Variants in ZNF292 observed in about 807,000 individuals in gnomAD.
ZNF292 encodes the protein 16 zinc-finger domain protein.
In ZNF292, 26 loss-of-function variants were observed where a neutral mutation model predicts 217.9. The ratio of observed to expected loss-of-function variants is 0.12; its 90% confidence interval spans 0.09 to 0.17. The LOEUF (loss-of-function observed/expected upper bound fraction) is 0.17, where lower values mean the gene tolerates loss of function less well. Ranked by LOEUF, ZNF292 falls within the 10% of genes least tolerant of loss-of-function variation. ZNF292 has a pLI of 1.00. For missense variants in ZNF292, 2,904 were observed against 3,175.2 expected (o/e 0.91, Z 2.05); for synonymous variants, 1,257 against 1,124.1 (o/e 1.12, Z -2.37).
At chr6:87,183,480 C>G (rs1319927019) in intron 1 of ZNF292, among the ~76,000 whole-genome samples, 1 of 152,100 alleles carries the variant, frequency 6.6e-6, no homozygotes, top group African/African-American at 2.4e-5. Context: ...TCCTGAACAC[C>G]ATAATCCCAA....
intron 7 of ZNF292, chr6:87,249,377 C>A: frequency 2.3e-6 from 1 of 427,870 alleles, no homozygotes; most frequent in Non-Finnish European, 4.7e-6. Context: ...TTCTCCGTGC[C>A]TTGGCCTTCC....
At chr6:87,179,182 T>C (rs182812720) in intron 1 of ZNF292, among the ~76,000 whole-genome samples, 12 of 117,744 alleles carry the variant, frequency 1.0e-4, no homozygotes, top group Non-Finnish European at 1.9e-4. Flanking sequence ...TTTTGGGAGA[T>C]GGAGTCTCAC....
chr6:87,178,122 A>G lies in ZNF292; in HGVS notation c.168+22363A>G, dbSNP rs191845874. On this transcript the variant is annotated intron_variant, in intron 1 of 7. Coordinates refer to ENST00000369577, the MANE Select transcript of ZNF292 (RefSeq NM_015021.3). ...AAGGCTATTCAAATTCTACATTTTCATTAGGCCTTCCTATGCTACTAAAGG... is the reference window on the plus strand; with the variant it reads ...AAGGCTATTCAAATTCTACATTTTCGTTAGGCCTTCCTATGCTACTAAAGG... Among the ~76,000 whole-genome samples the G allele has an allele frequency of 1.9e-4, 29 of 152,164 alleles. No homozygotes were observed. The East Asian group carries it at 5.0e-3, about 26-fold the overall frequency.
At chr6:87,191,308 C>G (rs188884723) in intron 1 of ZNF292, among the ~76,000 whole-genome samples, 1 of 151,902 alleles carries the variant, frequency 6.6e-6, no homozygotes, top group Non-Finnish European at 1.5e-5. Context: ...TCACAAAAAA[C>G]TCATAATTTT....
chr6:87,204,708 C>G (rs962581546), intron 1 of ZNF292, among the ~76,000 whole-genome samples: 1 of 151,840 alleles, frequency 6.6e-6, no homozygotes, highest in Admixed American at 6.6e-5. Context: ...GGATTACAGG[C>G]GCCTTCCACC....
Position 87,261,738 on chromosome 6 carries a change from TC to T in ZNF292, c.8111del (p.Pro2704GlnfsTer6). ...AAAAACTTGAAGTACATTCAAATGA[TC>T]CAGATATGTCTGTTATGAAAGATAT... is the stretch of plus-strand genomic sequence containing the variant. ...LKKLEVHSND[P>X]DMSVMKDISI... On this transcript the variant is annotated frameshift_variant, in exon 8 of 8. Coordinates refer to ENST00000369577, the MANE Select transcript of ZNF292 (RefSeq NM_015021.3). LOFTEE classifies it high-confidence loss of function. 1 of 1,613,052 alleles carries T rather than the reference TC, an allele frequency of 6.2e-7. No homozygotes were observed. The highest frequency in any genetic ancestry group is 8.5e-7 in the Non-Finnish European group (1 of 1,179,292).
rs117628161 is a variant in ZNF292 at position 87,212,381 on chromosome 6, C to T, written c.169-3522C>T. The stretch of plus-strand genomic sequence containing the variant: ...ATTGGTGATTGGGTTCAATCTCTGC[C>T]CCTTTACCTCCTGCAAGACTGGGGG... On this transcript the variant is annotated intron_variant, in intron 1 of 7. Transcript: ENST00000369577. Among the ~76,000 whole-genome samples, 129 of 152,202 alleles carry T rather than the reference C, an allele frequency of 8.5e-4. 3 individuals carry two copies. In the East Asian group the frequency reaches 0.013, roughly 15 times the overall value.
intron 4 of ZNF292, among the ~76,000 whole-genome samples, chr6:87,219,982 A>G (rs1023233413): frequency 3.9e-5 from 6 of 152,006 alleles, no homozygotes; most frequent in Non-Finnish European, 8.8e-5. Flanking sequence ...CACCACACTC[A>G]GCTAGTTTTT....
chr6:87,204,644 A>C (rs1772191888), intron 1 of ZNF292, among the ~76,000 whole-genome samples: 2 of 137,192 alleles, frequency 1.5e-5, no homozygotes, highest in Non-Finnish European at 3.0e-5. Flanking sequence ...CCTCACTGCA[A>C]CCTCCGCCTC....
rs1775623876 is a variant in ZNF292 at position 87,261,899 on chromosome 6, T to C, written c.*98T>C. The C allele has an allele frequency of 2.1e-6, 2 of 960,276 alleles. No individual in the cohort carries two copies. The highest frequency in any genetic ancestry group is 5.9e-5 in the South Asian group (2 of 33,964). The allele number at this position is 960,276 out of a possible 1,614,324, so 59.5% of individuals were successfully genotyped here. ...TGAAACTTTCATTATATTTTTTTGTTGTTGACATGAATTAACCTGGCCAAA... is the reference window on the plus strand; with the variant it reads ...TGAAACTTTCATTATATTTTTTTGTCGTTGACATGAATTAACCTGGCCAAA... On this transcript the variant is annotated 3_prime_UTR_variant, in exon 8 of 8. Coordinates refer to ENST00000369577, the MANE Select transcript of ZNF292 (RefSeq NM_015021.3).
At position 87,261,497 on chromosome 6, in the gene ZNF292, C is replaced by A; in HGVS notation, c.7868C>A (p.Ser2623Tyr). 1 of 1,605,278 alleles carries A rather than the reference C, an allele frequency of 6.2e-7. No individual in the cohort carries two copies. The highest frequency in any genetic ancestry group is 1.1e-5 in the South Asian group (1 of 89,844). Residue 2623 changes from serine to tyrosine, a missense_variant, in exon 8 of 8, where the codon TCC (serine) becomes TAC (tyrosine). Physicochemically the swap from Ser to Tyr is moderately radical, Grantham distance 144 (BLOSUM62 -2). Around this residue, in one of 15 missense-constraint regions of ZNF292, gnomAD observed 380 missense variants for 355.3 expected, o/e 1.07. Coordinates refer to ENST00000369577, the MANE Select transcript of ZNF292 (RefSeq NM_015021.3). ...DHPNTGNKKGSHSNSRKNIDK... is the reference protein window; with the variant it reads ...DHPNTGNKKGYHSNSRKNIDK... ...CCGAATACTGGAAACAAAAAAGGATCCCATTCAAATTCAAGAAAAAATATT... is the reference window on the plus strand; with the variant it reads ...CCGAATACTGGAAACAAAAAAGGATACCATTCAAATTCAAGAAAAAATATT...
At chr6:87,250,467 A>G (rs1470332506) in intron 7 of ZNF292, among the ~76,000 whole-genome samples, 1 of 152,150 alleles carries the variant, frequency 6.6e-6, no homozygotes, top group Non-Finnish European at 1.5e-5. Flanking sequence ...AAGGAAAAAA[A>G]AATTCTATAG....
chr6:87,235,263 A>G (rs748426793), intron 5 of ZNF292, among the ~76,000 whole-genome samples: 1 of 152,140 alleles, frequency 6.6e-6, no homozygotes, highest in Non-Finnish European at 1.5e-5. Context: ...AAAAATCATT[A>G]GTTATTGTGC....
intron 1 of ZNF292, among the ~76,000 whole-genome samples, chr6:87,172,921 T>C (rs1394943334): frequency 6.6e-6 from 1 of 151,864 alleles, no homozygotes; most frequent in East Asian, 1.9e-4. Context: ...AAAAATTTTT[T>C]TTTAATTAAA....
At chr6:87,179,758 A>G (rs1050079096) in intron 1 of ZNF292, among the ~76,000 whole-genome samples, 2 of 152,092 alleles carry the variant, frequency 1.3e-5, no homozygotes, top group African/African-American at 2.4e-5. Context: ...CCACTAGTTC[A>G]TAGTGCTGTG....
At chr6:87,156,930 C>T (rs1463433418) in intron 1 of ZNF292, among the ~76,000 whole-genome samples, 1 of 152,192 alleles carries the variant, frequency 6.6e-6, no homozygotes, top group East Asian at 1.9e-4. Context: ...ACACAATTTA[C>T]ACAGGTCATA....
intron 1 of ZNF292, among the ~76,000 whole-genome samples, chr6:87,181,753 C>T (rs1771479920): frequency 6.6e-6 from 1 of 152,004 alleles, no homozygotes; most frequent in Admixed American, 6.5e-5. Flanking sequence ...ACTGTCTCGA[C>T]TCACTGCAAC....
intron 1 of ZNF292, among the ~76,000 whole-genome samples, chr6:87,171,230 G>A (rs1439632965): frequency 6.6e-6 from 1 of 152,136 alleles, no homozygotes; most frequent in Admixed American, 6.5e-5. Context: ...TGGCTTTATA[G>A]TTGAAACCTT....
In ZNF292 at chr6:87,245,157, C is replaced by T. The variant is rs569131305; in HGVS notation, c.879-346C>T. ...TCAGGAGGCTGAGGCAGAAGAATCGCTTGAACCCGGGAGGCAAGGTTGCAG... is the reference window on the plus strand; with the variant it reads ...TCAGGAGGCTGAGGCAGAAGAATCGTTTGAACCCGGGAGGCAAGGTTGCAG... On this transcript the variant is annotated intron_variant, in intron 6 of 7. Transcript: ENST00000369577. 5.3e-5 allele frequency among the ~76,000 whole-genome samples: 8 copies of T among 152,164 alleles called. No homozygotes were observed. The South Asian group carries it at 1.7e-3, about 32-fold the overall frequency.
Sources: allele counts gnomAD v4.1 joint callset (sites outside exome capture counted in the v4.1 genomes callset), GRCh38; gene constraint gnomAD v4.1.1; regional missense constraint gnomAD v4.1.1; transcripts MANE v1.5; gene names NCBI Gene and HGNC (gene_info 2026-07-23, HGNC 2026-07-21).